The following NPSR1 variants were observed in gnomAD, a reference collection of about 807,000 sequenced individuals.
The protein encoded by NPSR1 is neuropeptide S receptor 1.
NPSR1 carries 48 observed loss-of-function variants against 46.9 expected under a neutral mutation model. The observed-to-expected ratio is 1.02, with a 90% CI of 0.81 to 1.30. The LOEUF (loss-of-function observed/expected upper bound fraction) is 1.30. NPSR1 is among the 50% of genes most tolerant of loss of function. The pLI, the probability that NPSR1 is intolerant of heterozygous loss-of-function variation, is 0.00. For missense variants in NPSR1, 450 were observed against 449.5 expected (o/e 1.00, Z -0.01); for synonymous variants, 176 against 168.1 (o/e 1.05, Z -0.36).
chr7:34,724,420 C>T (rs551715822), intron 2 of NPSR1, among the ~76,000 whole-genome samples: 28 of 152,286 alleles, frequency 1.8e-4, no homozygotes, highest in African/African-American at 4.8e-4. Context: ...CTCCCAGGAT[C>T]GGAAAGGTTT....
chr7:34,866,386 C>G (rs201711500), intron 8 of NPSR1, among the ~76,000 whole-genome samples: 1,973 of 130,380 alleles, frequency 0.015, 15 homozygotes, highest in African/African-American at 0.026. Context: ...CAGTTGTAGA[C>G]AGACATGCAA....
At chr7:34,771,154 G>T (rs1786663846) in intron 2 of NPSR1, among the ~76,000 whole-genome samples, 1 of 152,182 alleles carries the variant, frequency 6.6e-6, no homozygotes, top group Non-Finnish European at 1.5e-5. Context: ...TGCAGAAAGG[G>T]CGAGATGCAG....
intron 3 of NPSR1, chr7:34,779,573 A>C (rs1787135394): frequency 7.9e-7 from 1 of 1,269,466 alleles, no homozygotes; most frequent in Non-Finnish European, 1.0e-6. Context: ...CCATATTCAG[A>C]AAATGAATAT....
intron 5 of NPSR1, among the ~76,000 whole-genome samples, chr7:34,831,256 C>T (rs1166984227): frequency 6.6e-6 from 1 of 152,068 alleles, no homozygotes; most frequent in African/African-American, 2.4e-5. Context: ...TGTCATGTCA[C>T]TCTCTCTACT....
chr7:34,759,867 T>C (rs1786072800), intron 2 of NPSR1, among the ~76,000 whole-genome samples: 1 of 152,222 alleles, frequency 6.6e-6, no homozygotes, highest in African/African-American at 2.4e-5. Context: ...CCAAATTTCC[T>C]GCACAGGACC....
intron 2 of NPSR1, chr7:34,703,870 A>G (rs566213333): frequency 6.2e-4 from 92 of 148,738 alleles, no homozygotes; most frequent in African/African-American, 2.1e-3. Context: ...AAAATGCGGA[A>G]CTAATAAGAG....
chr7:34,803,688 G>A (rs1272771228), intron 3 of NPSR1, among the ~76,000 whole-genome samples: 1 of 150,544 alleles, frequency 6.6e-6, no homozygotes, highest in Non-Finnish European at 1.5e-5. Flanking sequence ...TGCACATTGT[G>A]TACATGTACC....
At chr7:34,697,732 G>A (rs527303100) in intron 2 of NPSR1, among the ~76,000 whole-genome samples, 1 of 151,874 alleles carries the variant, frequency 6.6e-6, no homozygotes, top group South Asian at 2.1e-4. Flanking sequence ...ATCCATGGAT[G>A]TGGAACCCAC....
At chr7:34,809,389 T>C (rs934058903) in intron 3 of NPSR1, among the ~76,000 whole-genome samples, 1 of 151,984 alleles carries the variant, frequency 6.6e-6, no homozygotes, top group Non-Finnish European at 1.5e-5. Flanking sequence ...GAGGGGTACA[T>C]GTGCAGGTTT....
chr7:34,785,560 T>C (rs967421761), intron 3 of NPSR1, among the ~76,000 whole-genome samples: 1 of 151,938 alleles, frequency 6.6e-6, no homozygotes, highest in Non-Finnish European at 1.5e-5. Flanking sequence ...TATAAAAGTA[T>C]ATATCACTCA....
At chr7:34,756,235 G>A (rs1785836925) in intron 2 of NPSR1, among the ~76,000 whole-genome samples, 1 of 152,156 alleles carries the variant, frequency 6.6e-6, no homozygotes, top group Non-Finnish European at 1.5e-5. Context: ...ATGAAAGAGA[G>A]TGAGATTGGA....
At chr7:34,856,285 A>C (rs1791046527) in intron 8 of NPSR1, among the ~76,000 whole-genome samples, 1 of 151,774 alleles carries the variant, frequency 6.6e-6, no homozygotes, top group South Asian at 2.1e-4. Flanking sequence ...AATTAATCAC[A>C]AGGTTTAATA....
intron 1 of NPSR1, among the ~76,000 whole-genome samples, chr7:34,678,218 C>CTTTTTTTTTT (rs869140156): frequency 3.0e-5 from 3 of 100,702 alleles, no homozygotes; most frequent in Non-Finnish European, 5.8e-5. Context: ...CTTTGCAATT[C>CTTTTTTTTTT]TTTTTTTTTT....
chr7:34,807,093 T>G (rs973906045), intron 3 of NPSR1, among the ~76,000 whole-genome samples: 1 of 152,212 alleles, frequency 6.6e-6, no homozygotes, highest in African/African-American at 2.4e-5. Context: ...GAATTGACTA[T>G]AATTGTACTT....
At chr7:34,808,139 G>T (rs922953053) in intron 3 of NPSR1, among the ~76,000 whole-genome samples, 1 of 152,150 alleles carries the variant, frequency 6.6e-6, no homozygotes, top group African/African-American at 2.4e-5. Context: ...AGGACTGCTG[G>T]CAGTCACCCG....
At chr7:34,853,922 C>T (rs904136705), downstream of NPSR1, among the ~76,000 whole-genome samples, 4 of 150,960 alleles carry the variant, frequency 2.6e-5, no homozygotes, top group African/African-American at 9.8e-5. Flanking sequence ...GCCGAGATCG[C>T]ACCATTGCAC....
chr7:34,813,237 T>G (rs988298094), intron 4 of NPSR1, among the ~76,000 whole-genome samples: 8 of 152,234 alleles, frequency 5.3e-5, no homozygotes, highest in African/African-American at 1.9e-4. Flanking sequence ...CTTCTGTTTA[T>G]TGATTGCATA....
At chr7:34,714,529 C>T (rs1220394044) in intron 2 of NPSR1, among the ~76,000 whole-genome samples, 3 of 152,202 alleles carry the variant, frequency 2.0e-5, no homozygotes, top group Admixed American at 2.0e-4. Flanking sequence ...GTAAAACTCT[C>T]CTGTAGAAGG....
At chr7:34,669,336 G>A (rs1213680017) in intron 1 of NPSR1, among the ~76,000 whole-genome samples, 1 of 152,206 alleles carries the variant, frequency 6.6e-6, no homozygotes, top group Non-Finnish European at 1.5e-5. Context: ...ATCAAAGCGG[G>A]TGGATCATTT....
Sources: allele counts gnomAD v4.1 joint callset (sites outside exome capture counted in the v4.1 genomes callset), GRCh38; gene constraint gnomAD v4.1.1; transcripts MANE v1.5; gene names NCBI Gene and HGNC (gene_info 2026-07-23, HGNC 2026-07-21).